Variants in KHDRBS2 observed in about 807,000 individuals in gnomAD.
KHDRBS2 encodes KH domain-containing, RNA-binding, signal transduction-associated protein 2.
A neutral mutation model predicts 44.3 loss-of-function variants in KHDRBS2; 26 were observed. The observed-to-expected ratio is 0.59, with a 90% CI of 0.43 to 0.81. The LOEUF (loss-of-function observed/expected upper bound fraction) is 0.81, where lower values mean the gene tolerates loss of function less well. KHDRBS2 is among the 40% of genes least tolerant of loss of function. KHDRBS2 has a pLI of 0.00. For missense variants in KHDRBS2, 476 were observed against 433.1 expected (o/e 1.10, Z -0.88); for synonymous variants, 194 against 151.1 (o/e 1.28, Z -2.08).
intron 3 of KHDRBS2, among the ~76,000 whole-genome samples, chr6:62,007,298 G>C (rs1779421385): frequency 6.6e-6 from 1 of 151,774 alleles, no homozygotes; most frequent in Non-Finnish European, 1.5e-5. Context: ...TAAACAGTTT[G>C]TTGTCCAGTA....
intron 2 of KHDRBS2, among the ~76,000 whole-genome samples, chr6:62,165,232 T>TTCTA (rs1818425309): frequency 6.6e-6 from 1 of 151,050 alleles, no homozygotes; most frequent in Non-Finnish European, 1.5e-5. Flanking sequence ...CCATAACTCA[T>TTCTA]TCTAGTACAT....
chr6:62,012,891 T>A (rs1427113655), intron 3 of KHDRBS2, among the ~76,000 whole-genome samples: 2 of 152,142 alleles, frequency 1.3e-5, no homozygotes, highest in Non-Finnish European at 2.9e-5. Context: ...TCCACTGTAC[T>A]CCCAAAGAAA....
intron 3 of KHDRBS2, among the ~76,000 whole-genome samples, chr6:62,018,615 G>T (rs1274275018): frequency 2.0e-5 from 3 of 152,126 alleles, no homozygotes; most frequent in Non-Finnish European, 2.9e-5. Context: ...AAAGTGCTGG[G>T]ATTACAGGCG....
At chr6:61,788,449 T>C (rs1160098991) in intron 6 of KHDRBS2, among the ~76,000 whole-genome samples, 1 of 151,504 alleles carries the variant, frequency 6.6e-6, no homozygotes, top group Non-Finnish European at 1.5e-5. Flanking sequence ...TATTTTATCA[T>C]GCAAAATATG....
At chr6:61,596,352 C>A in the KHDRBS2 span, among the ~76,000 whole-genome samples, 1 of 152,260 alleles carries the variant, frequency 6.6e-6, no homozygotes, top group South Asian at 2.1e-4. Flanking sequence ...ATTTTTAGTA[C>A]TGAAAATTCT....
At chr6:62,076,904 G>T (rs1186507032) in intron 2 of KHDRBS2, among the ~76,000 whole-genome samples, 1 of 151,910 alleles carries the variant, frequency 6.6e-6, no homozygotes, top group African/African-American at 2.4e-5. Context: ...AATTAGCCAG[G>T]TGTGGTGGTG....
At chr6:62,196,475 G>T (rs145887811) in intron 1 of KHDRBS2, among the ~76,000 whole-genome samples, 116 of 152,184 alleles carry the variant, frequency 7.6e-4, no homozygotes, top group African/African-American at 2.6e-3. Context: ...AAAAGGTTAT[G>T]CTCACATTTG....
chr6:61,945,112 A>AATATATATATATATATATATAT (rs1491476068), intron 4 of KHDRBS2, among the ~76,000 whole-genome samples: 1 of 48,416 alleles, frequency 2.1e-5, no homozygotes, highest in Non-Finnish European at 3.6e-5. Flanking sequence ...AAAAAAAAAA[A>AATATATATATATATATATATAT]GTATATATAT....
At chr6:61,865,159 T>C (rs552617181) in intron 6 of KHDRBS2, among the ~76,000 whole-genome samples, 1 of 152,270 alleles carries the variant, frequency 6.6e-6, no homozygotes, top group South Asian at 2.1e-4. Flanking sequence ...GTTTTGGCTA[T>C]CAGTACCTGC....
intron 2 of KHDRBS2, among the ~76,000 whole-genome samples, chr6:62,071,822 G>A (rs141939446): frequency 1.4e-4 from 21 of 152,174 alleles, no homozygotes; most frequent in Middle Eastern, 3.4e-3. Flanking sequence ...TTGGCAATGC[G>A]GGCTCTTTTT....
chr6:62,166,797 C>T (rs1228057710), intron 2 of KHDRBS2, among the ~76,000 whole-genome samples: 2 of 151,988 alleles, frequency 1.3e-5, no homozygotes, highest in Non-Finnish European at 2.9e-5. Context: ...ATCTCTTAAA[C>T]ATCTGTCTAC....
chr6:62,140,453 C>T (rs1255945021), intron 2 of KHDRBS2, among the ~76,000 whole-genome samples: 2 of 152,066 alleles, frequency 1.3e-5, no homozygotes, highest in African/African-American at 4.8e-5. Flanking sequence ...TTGTAGTGAA[C>T]ATGGAAATAA....
chr6:62,152,502 T>C (rs1815428990), intron 2 of KHDRBS2, among the ~76,000 whole-genome samples: 1 of 152,192 alleles, frequency 6.6e-6, no homozygotes, highest in Admixed American at 6.5e-5. Flanking sequence ...ATTGTTTTAG[T>C]TACTTAATAA....
At chr6:62,145,637 A>ATAAAATG (rs1408588690) in intron 2 of KHDRBS2, among the ~76,000 whole-genome samples, 1 of 151,792 alleles carries the variant, frequency 6.6e-6, no homozygotes, top group African/African-American at 2.4e-5. Context: ...TTCTAGTTTA[A>ATAAAATG]TCATATTTTA....
At chr6:61,838,008 T>G (rs1037946596) in intron 6 of KHDRBS2, among the ~76,000 whole-genome samples, 15 of 151,998 alleles carry the variant, frequency 9.9e-5, no homozygotes, top group Admixed American at 9.2e-4. Context: ...AGAAAGAATC[T>G]AAACACAGCA....
chr6:61,631,305 CAA>C, the KHDRBS2 span, among the ~76,000 whole-genome samples: 183 of 66,962 alleles, frequency 2.7e-3, 1 homozygote, highest in Middle Eastern at 0.012. Flanking sequence ...ACGAATAAGC[CAA>C]AAAAAAAAAA....
intron 1 of KHDRBS2, among the ~76,000 whole-genome samples, chr6:62,283,731 T>A (rs1256393995): frequency 6.6e-6 from 1 of 152,038 alleles, no homozygotes; most frequent in Non-Finnish European, 1.5e-5. Flanking sequence ...GAAAGATCTA[T>A]ACCATAAAAT....
At chr6:61,546,131 T>A in the KHDRBS2 span, among the ~76,000 whole-genome samples, 1 of 152,028 alleles carries the variant, frequency 6.6e-6, no homozygotes, top group South Asian at 2.1e-4. Context: ...AGTATTTCTC[T>A]CCTTTAATCT....
chr6:62,265,049 T>C (rs372259297), intron 1 of KHDRBS2, among the ~76,000 whole-genome samples: 3 of 151,972 alleles, frequency 2.0e-5, no homozygotes, highest in East Asian at 3.9e-4. Context: ...TCACAGGAAA[T>C]TTGCATTTTT....
Sources: gnomAD v4.1 joint callset for allele counts (sites outside exome capture counted in the v4.1 genomes callset) on GRCh38, gnomAD v4.1.1 for gene constraint, MANE v1.5 for transcripts, NCBI Gene and HGNC (gene_info 2026-07-23, HGNC 2026-07-21) for gene names.